The following KHDRBS2 variants were observed in gnomAD, a reference collection of about 807,000 sequenced individuals.
The protein encoded by KHDRBS2 is KH RNA binding domain containing, signal transduction associated 2, also known as KH domain-containing, RNA-binding, signal transduction-associated protein 2.
A neutral mutation model predicts 44.3 loss-of-function variants in KHDRBS2; 26 were observed. That is an observed-to-expected ratio of 0.59 (90% CI 0.43 to 0.81). KHDRBS2 has a LOEUF of 0.81. KHDRBS2 is among the 40% of genes least tolerant of loss of function. The probability of loss-of-function intolerance (pLI) is 0.00; values close to 1 mark genes in which losing one functional copy is unlikely to be tolerated. For missense variants in KHDRBS2, 476 were observed against 433.1 expected (o/e 1.10, Z -0.88); for synonymous variants, 194 against 151.1 (o/e 1.28, Z -2.08).
intron 1 of KHDRBS2, among the ~76,000 whole-genome samples, chr6:62,187,062 CT>C (rs1823589957): frequency 6.6e-6 from 1 of 152,106 alleles, no homozygotes; most frequent in Non-Finnish European, 1.5e-5. Context: ...TGATATTCCA[CT>C]TTGTGTGTCA....
At chr6:62,003,515 A>C (rs547082657) in intron 3 of KHDRBS2, among the ~76,000 whole-genome samples, 246 of 152,238 alleles carry the variant, frequency 1.6e-3, no homozygotes, top group Admixed American at 2.8e-3. Context: ...AGATTCATAA[A>C]GCAAGTCCTT....
chr6:62,152,825 CTT>C (rs1815505869), intron 2 of KHDRBS2, among the ~76,000 whole-genome samples: 1 of 152,166 alleles, frequency 6.6e-6, no homozygotes. Flanking sequence ...TGAGAAGTAA[CTT>C]GTGCATGACA....
chr6:61,927,760 A>G (rs1440949761), intron 4 of KHDRBS2, among the ~76,000 whole-genome samples: 1 of 152,188 alleles, frequency 6.6e-6, no homozygotes, highest in Non-Finnish European at 1.5e-5. Flanking sequence ...GCTGTAATGC[A>G]TAATACCATA....
intron 2 of KHDRBS2, among the ~76,000 whole-genome samples, chr6:62,124,465 C>A (rs780131786): frequency 3.3e-5 from 5 of 152,114 alleles, no homozygotes; most frequent in East Asian, 1.9e-4. Context: ...TCTTATCATG[C>A]AAACCTGTTT....
the KHDRBS2 span, among the ~76,000 whole-genome samples, chr6:61,670,388 A>C: frequency 6.6e-6 from 1 of 151,506 alleles, no homozygotes; most frequent in Non-Finnish European, 1.5e-5. Flanking sequence ...CTTATTTTAC[A>C]AATTATTGCC....
chr6:61,826,370 C>G (rs993972458), intron 6 of KHDRBS2, among the ~76,000 whole-genome samples: 2 of 152,044 alleles, frequency 1.3e-5, no homozygotes, highest in African/African-American at 2.4e-5. Context: ...TGTATATCTC[C>G]CTCTGCCACA....
chr6:61,954,665 T>C (rs1300293400), intron 4 of KHDRBS2, among the ~76,000 whole-genome samples: 1 of 134,616 alleles, frequency 7.4e-6, no homozygotes, highest in Non-Finnish European at 1.6e-5. Context: ...CATACATATG[T>C]GTATATACAC....
chr6:62,159,514 C>A (rs1023648361), intron 2 of KHDRBS2, among the ~76,000 whole-genome samples: 24 of 152,036 alleles, frequency 1.6e-4, no homozygotes, highest in African/African-American at 5.3e-4. Context: ...TATACAGTAA[C>A]TGTGCTTCCA....
intron 1 of KHDRBS2, among the ~76,000 whole-genome samples, chr6:62,217,435 G>A (rs1305181745): frequency 6.6e-6 from 1 of 151,812 alleles, no homozygotes; most frequent in East Asian, 1.9e-4. Flanking sequence ...ACTTACTGTG[G>A]ACTTACTAAA....
At chr6:61,556,805 G>C in the KHDRBS2 span, among the ~76,000 whole-genome samples, 6 of 150,006 alleles carry the variant, frequency 4.0e-5, no homozygotes, top group East Asian at 1.2e-3. Context: ...ATGTACTAAA[G>C]GGTCAATATT....
intron 3 of KHDRBS2, among the ~76,000 whole-genome samples, chr6:61,982,843 T>C (rs1450080646): frequency 5.9e-5 from 9 of 152,298 alleles, no homozygotes; most frequent in African/African-American, 2.2e-4. Context: ...TGGCCTTTGT[T>C]TGAAACAGTA....
At chr6:61,663,543 A>AGTAGAAAT in the KHDRBS2 span, among the ~76,000 whole-genome samples, 1 of 126,918 alleles carries the variant, frequency 7.9e-6, no homozygotes, top group South Asian at 2.6e-4. Flanking sequence ...GGGACATGGC[A>AGTAGAAAT]GTAGAAATCT....
chr6:61,609,150 G>T, the KHDRBS2 span, among the ~76,000 whole-genome samples: 2 of 152,164 alleles, frequency 1.3e-5, no homozygotes, highest in Non-Finnish European at 2.9e-5. Flanking sequence ...TTGAGGTCAG[G>T]AGTTCGAGAC....
intron 2 of KHDRBS2, among the ~76,000 whole-genome samples, chr6:62,094,012 T>C (rs1238503072): frequency 2.0e-5 from 3 of 151,938 alleles, no homozygotes; most frequent in East Asian, 1.9e-4. Context: ...CTTTTTGACA[T>C]ACGGATTTTA....
chr6:61,554,068 C>T, the KHDRBS2 span, among the ~76,000 whole-genome samples: 1 of 152,074 alleles, frequency 6.6e-6, no homozygotes. Flanking sequence ...TAGCTTTCTG[C>T]CTCAATGATC....
At chr6:61,821,966 A>G (rs563422361) in intron 6 of KHDRBS2, among the ~76,000 whole-genome samples, 16 of 152,064 alleles carry the variant, frequency 1.1e-4, no homozygotes, top group Non-Finnish European at 1.8e-4. Context: ...ATTGTGTCAA[A>G]TTTTCTAAAG....
intron 6 of KHDRBS2, among the ~76,000 whole-genome samples, chr6:61,752,021 C>T (rs781358208): frequency 6.6e-5 from 10 of 151,996 alleles, no homozygotes; most frequent in Non-Finnish European, 1.5e-4. Context: ...GCCTAATGAC[C>T]CCATTTTATA....
intron 2 of KHDRBS2, among the ~76,000 whole-genome samples, chr6:62,050,705 T>C (rs1478191622): frequency 6.6e-6 from 1 of 152,030 alleles, no homozygotes; most frequent in Non-Finnish European, 1.5e-5. Flanking sequence ...CAGTTTAAAA[T>C]GATACAGTAG....
chr6:61,932,116 T>C (rs1476007850), intron 4 of KHDRBS2, among the ~76,000 whole-genome samples: 3 of 152,162 alleles, frequency 2.0e-5, no homozygotes, highest in Non-Finnish European at 4.4e-5. Flanking sequence ...AGGCTATTTG[T>C]AGTTAAGTTT....
Sources: gnomAD v4.1 joint callset for allele counts (sites outside exome capture counted in the v4.1 genomes callset) on GRCh38, gnomAD v4.1.1 for gene constraint, MANE v1.5 for transcripts, NCBI Gene and HGNC (gene_info 2026-07-23, HGNC 2026-07-21) for gene names.